The following MYO1D variants were observed in gnomAD, a reference collection of about 807,000 sequenced individuals.
MYO1D encodes the protein unconventional myosin-Id.
A neutral mutation model predicts 122.0 loss-of-function variants in MYO1D; 83 were observed. The ratio of observed to expected loss-of-function variants is 0.68; its 90% CI spans 0.57 to 0.82. MYO1D has a LOEUF of 0.82. Among genes scored for constraint, MYO1D ranks in the 40% least tolerant of loss-of-function variants. The pLI, the probability that MYO1D is intolerant of heterozygous loss-of-function variation, is 0.00. For missense variants in MYO1D, 1,157 were observed against 1,269.5 expected, an observed-to-expected ratio of 0.91 and a Z score of 1.35; for synonymous variants, 464 against 446.9, an observed-to-expected ratio of 1.04 and a Z score of -0.48.
At chr17:32,738,193 A>G (rs1286027574) in intron 14 of MYO1D, 60 bp downstream of exon 14, 16 of 1,438,286 alleles carry the variant, frequency 1.1e-5, no homozygotes, top group African/African-American at 1.4e-5. Context: ...TACATTCTTT[A>G]TAATACATCA....
At chr17:32,741,789 G>A (rs527547270) in intron 13 of MYO1D, among the ~76,000 whole-genome samples, 4 of 152,080 alleles carry the variant, frequency 2.6e-5, no homozygotes, top group African/African-American at 7.2e-5. Flanking sequence ...CAAGGTGGGC[G>A]GATCACGAGG....
At chr17:32,679,694 G>A (rs1008484369) in intron 16 of MYO1D, among the ~76,000 whole-genome samples, 19 of 152,296 alleles carry the variant, frequency 1.2e-4, no homozygotes, top group Non-Finnish European at 2.1e-4. Flanking sequence ...CAGGTAGTGT[G>A]ATTCCTCCAG....
rs1355132801 is a variant in MYO1D, at chr17:32,687,829, G to C, written c.2121+24159C>G. Among the ~76,000 whole-genome samples the C allele has an allele frequency of 2.0e-5, 3 of 152,168 alleles. No homozygotes were observed. The East Asian group carries it at 5.8e-4, about 29-fold the overall frequency. Reference sequence around the variant, plus strand: ...ATTACCTAGTATTGAATCATGATAAGTACATTATTGACGAAATGTTACCTA... The same window carrying C: ...ATTACCTAGTATTGAATCATGATAACTACATTATTGACGAAATGTTACCTA... On this transcript the variant is annotated intron_variant, in intron 16 of 21. Coordinates refer to ENST00000318217, the MANE Select transcript of MYO1D (RefSeq NM_015194.3).
intron 21 of MYO1D, among the ~76,000 whole-genome samples, chr17:32,517,396 C>T (rs932008530): frequency 6.6e-6 from 1 of 152,228 alleles, no homozygotes; most frequent in African/African-American, 2.4e-5. Flanking sequence ...GTCAGCTTTA[C>T]AGCTGAAATG....
At chr17:32,688,922 TGTG>T (rs1567950275) in intron 16 of MYO1D, among the ~76,000 whole-genome samples, 1 of 96,910 alleles carries the variant, frequency 1.0e-5, no homozygotes, top group Non-Finnish European at 2.1e-5. Context: ...ATTTTTGAAG[TGTG>T]TGTGTGTGTG....
At chr17:32,582,938 G>A (rs1313648809) in intron 21 of MYO1D, among the ~76,000 whole-genome samples, 1 of 152,018 alleles carries the variant, frequency 6.6e-6, no homozygotes, top group East Asian at 1.9e-4. Context: ...AATCAACAAG[G>A]AAAAAATCTT....
In MYO1D at chr17:32,814,146, C is replaced by T. The variant is rs146625199; in HGVS notation, c.96-33362G>A. Among the ~76,000 whole-genome samples the T allele has an allele frequency of 4.7e-3, 712 of 152,224 alleles. 7 individuals are homozygous for T. Among genetic ancestry groups the T allele is most frequent in the African/African-American group, 0.016 (681 of 41,530 alleles). ...AGATCATGAGGTCAAGAGATCGAGA[C>T]CATCCTGGTCAACATGGTAAAACCC... On this transcript the variant is annotated intron_variant, in intron 1 of 21. Coordinates refer to ENST00000318217, the MANE Select transcript of MYO1D (RefSeq NM_015194.3).
intron 21 of MYO1D, among the ~76,000 whole-genome samples, chr17:32,557,267 C>T (rs936317939): frequency 2.0e-5 from 3 of 151,852 alleles, no homozygotes; most frequent in Admixed American, 6.6e-5. Flanking sequence ...TACAGATGCC[C>T]GCTACCACGC....
At chr17:32,692,994 C>T (rs2150975119) in intron 16 of MYO1D, among the ~76,000 whole-genome samples, 1 of 152,292 alleles carries the variant, frequency 6.6e-6, no homozygotes, top group Admixed American at 6.5e-5. Context: ...TTTTACATGG[C>T]TTGGCTGTGC....
rs115815416 is a variant in MYO1D at position 32,656,090 on chromosome 17, G to A, written c.2346-1469C>T. Among the ~76,000 whole-genome samples, 760 of 152,236 alleles carry A rather than the reference G, an allele frequency of 5.0e-3. 6 individuals carry two copies. Among genetic ancestry groups the A allele is most frequent in the African/African-American group, 0.017 (719 of 41,522 alleles). On this transcript the variant is annotated intron_variant, in intron 17 of 21. Transcript: ENST00000318217. ...GTACAAGTTCTCTTATGCGCTTGGC[G>A]GCACCCTAGCCCTGCACGATGCTTA... is the stretch of plus-strand genomic sequence containing the variant.
intron 21 of MYO1D, among the ~76,000 whole-genome samples, chr17:32,578,044 A>C (rs2087295514): frequency 6.6e-6 from 1 of 152,172 alleles, no homozygotes; most frequent in Non-Finnish European, 1.5e-5. Context: ...CAGCCTCAGA[A>C]ACATATTTCA....
chr17:32,595,595 T>C (rs2087483690), intron 21 of MYO1D, among the ~76,000 whole-genome samples: 1 of 152,126 alleles, frequency 6.6e-6, no homozygotes, highest in South Asian at 2.1e-4. Flanking sequence ...CACCTATCAG[T>C]AGGAAGGGCT....
chr17:32,620,995 T>C (rs1205106759), intron 20 of MYO1D, among the ~76,000 whole-genome samples: 1 of 152,214 alleles, frequency 6.6e-6, no homozygotes, highest in East Asian at 1.9e-4. Context: ...GTTGCATATA[T>C]AATGAGATAT....
chr17:32,554,635 C>T (rs1414533468), intron 21 of MYO1D, among the ~76,000 whole-genome samples: 2 of 151,860 alleles, frequency 1.3e-5, no homozygotes. Flanking sequence ...AAAAAGAATG[C>T]AGAAAGACAG....
chr17:32,579,720 G>A, intron 21 of MYO1D, among the ~76,000 whole-genome samples: 1 of 152,142 alleles, frequency 6.6e-6, no homozygotes, highest in Non-Finnish European at 1.5e-5. Context: ...CCTATGGTTT[G>A]TATTTTCTAG....
At chr17:32,539,521 A>T (rs189198049) in intron 21 of MYO1D, among the ~76,000 whole-genome samples, 105 of 152,208 alleles carry the variant, frequency 6.9e-4, no homozygotes, top group African/African-American at 2.5e-3. Flanking sequence ...TTCCCTCCAG[A>T]GCCTCTAGGG....
intron 21 of MYO1D, among the ~76,000 whole-genome samples, chr17:32,599,447 C>A (rs1486713169): frequency 2.0e-5 from 3 of 152,182 alleles, no homozygotes; most frequent in African/African-American, 7.2e-5. Flanking sequence ...AAGTCCTGAA[C>A]CCCTCAAAGC....
chr17:32,837,349 T>C (rs62070183), intron 1 of MYO1D, among the ~76,000 whole-genome samples: 21,622 of 151,094 alleles, frequency 0.14, 2,005 homozygotes, highest in Middle Eastern at 0.28. Context: ...TCTTATATTA[T>C]ATAGGACCAT....
chr17:32,729,127 A>C (rs2150996883), intron 14 of MYO1D, among the ~76,000 whole-genome samples: 2 of 152,260 alleles, frequency 1.3e-5, no homozygotes, highest in South Asian at 4.1e-4. Flanking sequence ...GTTAATAGTG[A>C]TCTTATTCTC....
Sources: allele counts gnomAD v4.1 joint callset (sites outside exome capture counted in the v4.1 genomes callset), GRCh38; gene constraint gnomAD v4.1.1; transcripts MANE v1.5; gene names NCBI Gene and HGNC (gene_info 2026-07-23, HGNC 2026-07-21).